RGS5: variants seen among roughly 807,000 people sequenced by gnomAD.
RGS5 encodes regulator of G protein signaling 5, also known as regulator of G-protein signalling 5.
In RGS5, 20 loss-of-function variants were observed where a neutral mutation model predicts 18.9. The observed-to-expected ratio is 1.06, with a 90% CI of 0.74 to 1.54. The LOEUF is 1.54. Among genes scored for constraint, RGS5 ranks in the 40% most tolerant of loss-of-function variants. The pLI is 0.00. For synonymous variants in RGS5, 57 were observed against 76.2 expected (o/e 0.75, Z 1.31); for missense variants, 201 against 211.8 (o/e 0.95, Z 0.32).
intron 2 of RGS5, among the ~76,000 whole-genome samples, chr1:163,281,676 G>C (rs1319974455): frequency 6.6e-6 from 1 of 152,036 alleles, no homozygotes; most frequent in African/African-American, 2.4e-5. Context: ...ACCATATCAA[G>C]AACTATAGTA....
At chr1:163,252,539 C>A (rs1418110082) in intron 2 of RGS5, among the ~76,000 whole-genome samples, 1 of 152,136 alleles carries the variant, frequency 6.6e-6, no homozygotes, top group East Asian at 1.9e-4. Context: ...AAAACACATA[C>A]TTGAAAATGT....
At chr1:163,204,330 C>T (rs1488768113), upstream of RGS5, among the ~76,000 whole-genome samples, 4 of 151,856 alleles carry the variant, frequency 2.6e-5, no homozygotes, top group African/African-American at 7.3e-5. Flanking sequence ...CACACACACA[C>T]ACACACACAC....
intron 1 of RGS5, among the ~76,000 whole-genome samples, chr1:163,185,604 G>A (rs1384218298): frequency 6.6e-6 from 1 of 152,144 alleles, no homozygotes; most frequent in Non-Finnish European, 1.5e-5. Flanking sequence ...CCTTTCATGG[G>A]AGTCCCATTC....
At chr1:163,156,650 C>T (rs552637770) in intron 3 of RGS5, among the ~76,000 whole-genome samples, 7 of 152,196 alleles carry the variant, frequency 4.6e-5, no homozygotes, top group Non-Finnish European at 7.4e-5. Context: ...TAGAGGTTCC[C>T]GCAGAAATAA....
chr1:163,257,153 G>A (rs1291294574), intron 2 of RGS5, among the ~76,000 whole-genome samples: 1 of 152,064 alleles, frequency 6.6e-6, no homozygotes, highest in South Asian at 2.1e-4. Flanking sequence ...GTCTAATTAG[G>A]ACAACTAAAG....
At chr1:163,317,807 C>T (rs1206211097) in intron 1 of RGS5, among the ~76,000 whole-genome samples, 2 of 151,630 alleles carry the variant, frequency 1.3e-5, no homozygotes, top group Non-Finnish European at 2.9e-5. Context: ...CTTTCAATTC[C>T]TAGCTATTAT....
rs554277055 is a variant in RGS5, at chr1:163,320,343, C to A, written c.-378+1279G>T. On this transcript the variant is annotated intron_variant, in intron 1 of 5. Transcript: ENST00000618415. ...CACTTAATTAAGCACTCTACAGGAA[C>A]TAATTCACTTAATCTTCATGATACC... Among the ~76,000 whole-genome samples, 9 of 152,316 alleles carry A rather than the reference C, an allele frequency of 5.9e-5. No homozygotes were observed. In the South Asian group the frequency reaches 1.7e-3, roughly 28 times the overall value.
intron 1 of RGS5, among the ~76,000 whole-genome samples, chr1:163,209,667 C>T (rs979580804): frequency 1.3e-5 from 2 of 152,146 alleles, no homozygotes; most frequent in Middle Eastern, 3.4e-3. Flanking sequence ...ACCATTATGT[C>T]CTCTAATTAA....
At chr1:163,284,210 C>T (rs893471981) in intron 2 of RGS5, among the ~76,000 whole-genome samples, 6 of 152,130 alleles carry the variant, frequency 3.9e-5, no homozygotes, top group Non-Finnish European at 7.3e-5. Context: ...AAATCCTTGG[C>T]CCAACATTTC....
chr1:163,272,556 C>G (rs1648749066), intron 2 of RGS5, among the ~76,000 whole-genome samples: 2 of 152,084 alleles, frequency 1.3e-5, no homozygotes, highest in Admixed American at 6.5e-5. Flanking sequence ...ATATTTAGCT[C>G]TATGACTCAT....
chr1:163,228,856 C>T (rs1254350692), intron 2 of RGS5, among the ~76,000 whole-genome samples: 1 of 152,204 alleles, frequency 6.6e-6, no homozygotes, highest in East Asian at 1.9e-4. Flanking sequence ...TAAAGCATAT[C>T]AAGAGCCACC....
At chr1:163,182,523 C>T (rs1557894162) in intron 1 of RGS5, among the ~76,000 whole-genome samples, 1 of 152,162 alleles carries the variant, frequency 6.6e-6, no homozygotes, top group African/African-American at 2.4e-5. Flanking sequence ...TGCTATCCCT[C>T]AGAGTAGGTT....
chr1:163,226,485 G>A (rs1019111233), intron 2 of RGS5, among the ~76,000 whole-genome samples: 2 of 152,152 alleles, frequency 1.3e-5, no homozygotes, highest in Admixed American at 1.3e-4. Flanking sequence ...CTCAACTGAT[G>A]CTAGAGTCTC....
At chr1:163,254,529 T>C (rs1481648696) in intron 2 of RGS5, among the ~76,000 whole-genome samples, 5 of 152,102 alleles carry the variant, frequency 3.3e-5, no homozygotes, top group African/African-American at 4.8e-5. Flanking sequence ...TGGAGTTCAT[T>C]GTAGATTCTG....
rs372191803 is a variant in RGS5 at position 163,186,111 on chromosome 1, A to G, written c.44+16681T>C. On this transcript the variant is annotated intron_variant, in intron 1 of 4. Transcript: ENST00000313961. Reference sequence around the variant, plus strand: ...TTTTGACATAGAGTCTTGCTCTGTCACCCAGGCTGGAGTGCAGTGGTGCAA... The same window carrying G: ...TTTTGACATAGAGTCTTGCTCTGTCGCCCAGGCTGGAGTGCAGTGGTGCAA... 3.1e-3 allele frequency among the ~76,000 whole-genome samples: 462 copies of G among 148,436 alleles called. 1 individual carries two copies. The highest frequency in any genetic ancestry group is 0.011 in the African/African-American group (445 of 40,178).
At chr1:163,147,940 T>TTTTTTTTTTTTTTTTTTTTTTC (rs1657215535) in intron 4 of RGS5, among the ~76,000 whole-genome samples, 1 of 146,708 alleles carries the variant, frequency 6.8e-6, no homozygotes, top group African/African-American at 2.5e-5. Context: ...TTTTTTTTTT[T>TTTTTTTTTTTTTTTTTTTTTTC]GTTGGATAGA....
Position 163,210,140 on chromosome 1 carries a change from C to T in RGS5, c.69+7386G>A, listed in dbSNP as rs1344327494. Among the ~76,000 whole-genome samples, 5 of 151,018 alleles carry T rather than the reference C, an allele frequency of 3.3e-5. No homozygotes were observed. In the South Asian group the frequency reaches 6.3e-4, roughly 19 times the overall value. On this transcript the variant is annotated intron_variant, in intron 1 of 5. Coordinates refer to the RGS5 transcript ENST00000367903. ...AAGTTCCTAGGACTACAGATATGCA[C>T]CACCACGCCCAACTAATTTTTTTTT... is the stretch of plus-strand genomic sequence containing the variant.
chr1:163,319,690 A>G (rs1650131908), intron 1 of RGS5, among the ~76,000 whole-genome samples: 1 of 152,204 alleles, frequency 6.6e-6, no homozygotes, highest in African/African-American at 2.4e-5. Context: ...ATGCTGATAA[A>G]CCATGCAGTC....
chr1:163,269,884 T>C (rs1486820967), intron 2 of RGS5, among the ~76,000 whole-genome samples: 1 of 152,204 alleles, frequency 6.6e-6, no homozygotes, highest in Non-Finnish European at 1.5e-5. Context: ...GAACCATTTA[T>C]TTTGACATTA....
Sources: allele counts gnomAD v4.1 joint callset (sites outside exome capture counted in the v4.1 genomes callset), GRCh38; gene constraint gnomAD v4.1.1; transcripts MANE v1.5; gene names NCBI Gene and HGNC (gene_info 2026-07-23, HGNC 2026-07-21).